RHEB: variants seen among roughly 807,000 people sequenced by gnomAD.
The protein encoded by RHEB is GTP-binding protein Rheb.
RHEB carries 2 observed loss-of-function variants against 28.8 expected under a neutral mutation model. That is an observed-to-expected ratio of 0.07 (90% CI 0.03 to 0.22). The LOEUF is 0.22. RHEB is among the 10% of genes least tolerant of loss of function. RHEB has a pLI of 1.00. For missense variants in RHEB, 76 were observed against 219.9 expected (o/e 0.35, Z 4.14); for synonymous variants, 69 against 77.3 (o/e 0.89, Z 0.56).
chr7:151,494,309 G>A (rs934284573), intron 1 of RHEB, among the ~76,000 whole-genome samples: 2 of 152,248 alleles, frequency 1.3e-5, no homozygotes, highest in Non-Finnish European at 2.9e-5. Context: ...CACTGGCCAA[G>A]TCTCGACAAC....
intron 1 of RHEB, among the ~76,000 whole-genome samples, chr7:151,499,755 A>C (rs764809355): frequency 7.9e-5 from 12 of 152,262 alleles, no homozygotes; most frequent in Non-Finnish European, 1.3e-4. Context: ...TAGTCTCAAC[A>C]GGGAGAAAGG....
chr7:151,506,186 T>C (rs994058175), intron 1 of RHEB, among the ~76,000 whole-genome samples: 4 of 151,830 alleles, frequency 2.6e-5, no homozygotes, highest in Admixed American at 2.6e-4. Flanking sequence ...ATAATGCATT[T>C]ACTTTTTTTT....
chr7:151,502,732 G>C lies in RHEB; in HGVS notation c.53-11718C>G, dbSNP rs530157376. 3 of 1,579,928 alleles carry C rather than the reference G, an allele frequency of 1.9e-6. No homozygotes were observed. The African/African-American group carries it at 4.0e-5, about 21-fold the overall frequency. On this transcript the variant is annotated intron_variant, in intron 1 of 7. Transcript: ENST00000262187. ...TCTCCCAAAGAAACACAGTAGAGGCGTTTTGCCCGTTTAAAAATGGAAAAG... is the reference window on the plus strand; with the variant it reads ...TCTCCCAAAGAAACACAGTAGAGGCCTTTTGCCCGTTTAAAAATGGAAAAG...
At chr7:151,502,830 G>T in intron 1 of RHEB, 6 of 1,191,170 alleles carry the variant, frequency 5.0e-6, no homozygotes, top group Non-Finnish European at 7.5e-6. Flanking sequence ...AATGTGGCTG[G>T]TCTAGTTTTA....
At chr7:151,482,871 T>TA (rs1302251284) in intron 3 of RHEB, among the ~76,000 whole-genome samples, 1 of 152,190 alleles carries the variant, frequency 6.6e-6, no homozygotes, top group Non-Finnish European at 1.5e-5. Context: ...CCTTCCCTAC[T>TA]AATTTCTAAT....
At chr7:151,477,637 A>C (rs1216611742) in intron 3 of RHEB, among the ~76,000 whole-genome samples, 1 of 152,170 alleles carries the variant, frequency 6.6e-6, no homozygotes, top group East Asian at 1.9e-4. Context: ...CTAGAACTTT[A>C]GGGGAAAGTC....
chr7:151,511,535 C>A (rs935454849), intron 1 of RHEB, among the ~76,000 whole-genome samples: 7 of 151,870 alleles, frequency 4.6e-5, no homozygotes, highest in Admixed American at 4.6e-4. Context: ...TAAACTAATA[C>A]CAGTTTAGAT....
chr7:151,476,137 TACTCAA>T (rs1436708534), intron 4 of RHEB, among the ~76,000 whole-genome samples: 1 of 152,180 alleles, frequency 6.6e-6, no homozygotes, highest in Admixed American at 6.5e-5. Context: ...CCGAGAATGG[TACTCAA>T]ACATTTTATA....
At chr7:151,476,977 A>C (rs1015343455) in intron 4 of RHEB, among the ~76,000 whole-genome samples, 3 of 152,148 alleles carry the variant, frequency 2.0e-5, no homozygotes, top group Admixed American at 1.3e-4. Context: ...ACAAACCCAA[A>C]CCCCCACATT....
At chr7:151,519,239 C>T in intron 1 of RHEB, 1 of 209,182 alleles carries the variant, frequency 4.8e-6, no homozygotes, top group Non-Finnish European at 9.2e-6. Context: ...CCTGCCCGCC[C>T]GGCCCGCGGA....
chr7:151,494,491 T>C (rs921390289), intron 1 of RHEB, among the ~76,000 whole-genome samples: 4 of 152,262 alleles, frequency 2.6e-5, no homozygotes, highest in Admixed American at 6.5e-5. Context: ...ACAATGGGCA[T>C]ACACTATTTG....
At chr7:151,514,091 G>T (rs1330987937) in intron 1 of RHEB, among the ~76,000 whole-genome samples, 2 of 152,224 alleles carry the variant, frequency 1.3e-5, no homozygotes, top group Middle Eastern at 3.4e-3. Context: ...TCTATTGACG[G>T]TCACTTCATC....
At chr7:151,508,946 AT>A (rs1177769865) in intron 1 of RHEB, among the ~76,000 whole-genome samples, 3 of 152,176 alleles carry the variant, frequency 2.0e-5, no homozygotes, top group Admixed American at 6.5e-5. Flanking sequence ...GTACAGCTCA[AT>A]TTTTTAGGAC....
chr7:151,501,906 G>T, intron 1 of RHEB: 1 of 713,158 alleles, frequency 1.4e-6, no homozygotes, highest in Non-Finnish European at 2.5e-6. Flanking sequence ...GCTGTGGACA[G>T]GAACGTGGAG....
chr7:151,507,400 CAT>C (rs917931830), intron 1 of RHEB, among the ~76,000 whole-genome samples: 16 of 148,672 alleles, frequency 1.1e-4, no homozygotes, highest in Non-Finnish European at 1.8e-4. Context: ...TACACACACA[CAT>C]ATATATAGTG....
chr7:151,476,749 C>G (rs1316865012), intron 4 of RHEB, among the ~76,000 whole-genome samples: 1 of 152,196 alleles, frequency 6.6e-6, no homozygotes, highest in Admixed American at 6.5e-5. Flanking sequence ...CCCAGAGCTC[C>G]GCTGCTGTAT....
intron 3 of RHEB, among the ~76,000 whole-genome samples, chr7:151,481,110 G>A (rs1270208476): frequency 2.0e-5 from 3 of 151,614 alleles, no homozygotes; most frequent in African/African-American, 7.3e-5. Context: ...GGCATAAATA[G>A]GTTAATATAG....
intron 1 of RHEB, among the ~76,000 whole-genome samples, chr7:151,516,787 T>A (rs1015262033): frequency 2.6e-5 from 4 of 152,074 alleles, no homozygotes; most frequent in Non-Finnish European, 5.9e-5. Context: ...AAGAGAACAT[T>A]CTAAGAAAGG....
chr7:151,496,028 T>C (rs961686572), intron 1 of RHEB, among the ~76,000 whole-genome samples: 3 of 152,182 alleles, frequency 2.0e-5, no homozygotes, highest in Admixed American at 2.0e-4. Context: ...AGATTTTCAA[T>C]CTATTAACTA....
Sources: gnomAD v4.1 joint callset for allele counts (sites outside exome capture counted in the v4.1 genomes callset) on GRCh38, gnomAD v4.1.1 for gene constraint, MANE v1.5 for transcripts, NCBI Gene and HGNC (gene_info 2026-07-23, HGNC 2026-07-21) for gene names.